Variants in RAB3GAP2 observed in about 807,000 individuals in gnomAD.
RAB3GAP2 encodes RAB3 GTPase activating non-catalytic protein subunit 2, also known as rab3 GTPase-activating protein non-catalytic subunit.
A neutral mutation model predicts 185.3 loss-of-function variants in RAB3GAP2; 87 were observed. The ratio of observed to expected loss-of-function variants is 0.47; its 90% CI spans 0.39 to 0.56. The LOEUF (loss-of-function observed/expected upper bound fraction) is 0.56. Ranked by LOEUF, RAB3GAP2 falls within the 20% of genes least tolerant of loss-of-function variation. The pLI, the probability that RAB3GAP2 is intolerant of heterozygous loss-of-function variation, is 0.00. For missense variants in RAB3GAP2, 1,492 were observed against 1,638.2 expected (o/e 0.91, Z 1.54); for synonymous variants, 554 against 576.1 (o/e 0.96, Z 0.55).
intron 31 of RAB3GAP2, chr1:220,154,404 C>G (rs538812863): frequency 1.6e-5 from 4 of 251,172 alleles, no homozygotes; most frequent in African/African-American, 4.6e-5. Flanking sequence ...CACTCATATT[C>G]ACTCTCACTT....
rs1553272667 is a variant in RAB3GAP2 at position 220,149,078 on chromosome 1, T to TATC, written c.*2170_*2172dup. The TATC allele has an allele frequency of 1.3e-5, 2 of 152,202 alleles. No homozygotes were observed. Among genetic ancestry groups the TATC allele is most frequent in the African/African-American group, 4.8e-5 (2 of 41,448 alleles). The allele number at this position is 152,202 out of a possible 1,614,324, so 9.4% of individuals were successfully genotyped here. ...ATTCTACATTAAAATCTAATTCCTT[T>TATC]ATCATCTATGGCTCTTTGTTATTAT... On this transcript the variant is annotated 3_prime_UTR_variant, in exon 35 of 35. Coordinates refer to ENST00000358951, the MANE Select transcript of RAB3GAP2 (RefSeq NM_012414.4).
At chr1:220,183,218 G>A (rs898472439) in intron 19 of RAB3GAP2, among the ~76,000 whole-genome samples, 1 of 151,746 alleles carries the variant, frequency 6.6e-6, no homozygotes, top group Non-Finnish European at 1.5e-5. Flanking sequence ...GATATTTCTT[G>A]AGGGTACTTT....
intron 1 of RAB3GAP2, chr1:220,254,244 C>G (rs890423274): frequency 3.7e-6 from 6 of 1,613,380 alleles, no homozygotes; most frequent in African/African-American, 1.3e-5. Flanking sequence ...AAGAATACTT[C>G]AACGTAATGT....
At chr1:220,206,908 A>G (rs1658978964) in intron 7 of RAB3GAP2, among the ~76,000 whole-genome samples, 1 of 152,102 alleles carries the variant, frequency 6.6e-6, no homozygotes, top group Non-Finnish European at 1.5e-5. Context: ...GCACATTACT[A>G]TCTTATCAAC....
intron 1 of RAB3GAP2, among the ~76,000 whole-genome samples, chr1:220,259,195 C>T (rs955459494): frequency 3.9e-5 from 6 of 152,114 alleles, no homozygotes; most frequent in African/African-American, 1.4e-4. Context: ...CATTAAACTA[C>T]CACTGACATT....
At chr1:220,157,554 A>G (rs1479121152) in intron 30 of RAB3GAP2, 66 bp from the exon 31 acceptor site, 8 of 1,516,166 alleles carry the variant, frequency 5.3e-6, no homozygotes, top group South Asian at 1.1e-5. Flanking sequence ...AAATATCCCA[A>G]TGAGTTTATT....
At chr1:220,174,259 T>C (rs899659493) in intron 21 of RAB3GAP2, among the ~76,000 whole-genome samples, 3 of 151,540 alleles carry the variant, frequency 2.0e-5, no homozygotes, top group African/African-American at 4.8e-5. Flanking sequence ...CACACATATA[T>C]ACACACACAC....
chr1:220,202,372 C>T lies in RAB3GAP2; in HGVS notation c.715G>A (p.Ala239Thr). The change falls in exon 9 of 35, where the codon GCA (alanine) becomes ACA (threonine). Residue 239 changes from alanine to threonine, a missense_variant and splice_region_variant. By Grantham distance (58) the Ala-to-Thr change is moderately conservative. Coordinates refer to ENST00000358951, the MANE Select transcript of RAB3GAP2 (RefSeq NM_012414.4). Reference sequence around the variant, plus strand: ...TGTATGTTCTCATTGCCTGATGCTGCAGCTACCAAAGATAAAATAAGACAA... The same window carrying T: ...TGTATGTTCTCATTGCCTGATGCTGTAGCTACCAAAGATAAAATAAGACAA... Reference protein sequence around the residue: ...RACRNQVAKAAASGNENIQPP... With the variant: ...RACRNQVAKATASGNENIQPP... 1.9e-6 allele frequency: 3 copies of T among 1,612,908 alleles called. No homozygotes were observed. The highest frequency in any genetic ancestry group is 1.3e-5 in the African/African-American group (1 of 74,920).
intron 8 of RAB3GAP2, 107 bp downstream of exon 8, chr1:220,205,800 G>T: frequency 1.2e-6 from 1 of 842,198 alleles, no homozygotes; most frequent in Non-Finnish European, 1.9e-6. Flanking sequence ...CATAAATCTA[G>T]TTCAGAAGGC....
rs1056938390 is a variant in RAB3GAP2 at position 220,157,813 on chromosome 1, T to C, written c.3325A>G (p.Ile1109Val). The C allele has an allele frequency of 6.2e-7, 1 of 1,611,044 alleles. No individual in the cohort carries two copies. The highest frequency in any genetic ancestry group is 8.5e-7 in the Non-Finnish European group (1 of 1,177,386). The change falls in exon 30 of 35, where the codon ATC becomes GTC. Residue 1109 changes from isoleucine (I) to valine (V), a missense_variant. Physicochemically the swap from Ile to Val is conservative, Grantham distance 29 (BLOSUM62 3). This residue lies in a region of RAB3GAP2 where 387 missense variants were observed against 455.3 expected (regional missense o/e 0.85). Transcript: ENST00000358951. ...TACACCTCTTTTACCTCCATTAAGA[T>C]CTGAAGAAGATCCAAACAGGAGCCG... The part of the protein sequence containing the change: ...FLGSCLDLLQ[I>V]LMEADVSRDE...
chr1:220,174,707 A>G (rs1286204841), intron 21 of RAB3GAP2, among the ~76,000 whole-genome samples: 3 of 152,250 alleles, frequency 2.0e-5, no homozygotes, highest in Non-Finnish European at 4.4e-5. Context: ...GTTAACAACA[A>G]TAAATGCTAA....
At chr1:220,163,740 C>CATATATATATATATATATATAT (rs1274317823) in intron 27 of RAB3GAP2, among the ~76,000 whole-genome samples, 1 of 90,160 alleles carries the variant, frequency 1.1e-5, no homozygotes, top group Non-Finnish European at 2.0e-5. Flanking sequence ...TATATAAATA[C>CATATATATATATATATATATAT]ATACATATAT....
At chr1:220,209,827 A>G (rs1659045470) in intron 7 of RAB3GAP2, among the ~76,000 whole-genome samples, 1 of 152,218 alleles carries the variant, frequency 6.6e-6, no homozygotes, top group African/African-American at 2.4e-5. Context: ...TGGCCCTACA[A>G]TTATTTTTTG....
chr1:220,238,369 A>T (rs997673126), intron 1 of RAB3GAP2, among the ~76,000 whole-genome samples: 1 of 152,186 alleles, frequency 6.6e-6, no homozygotes, highest in South Asian at 2.1e-4. Context: ...TCAAGTCTAG[A>T]ACATCAACTC....
intron 21 of RAB3GAP2, among the ~76,000 whole-genome samples, chr1:220,175,957 C>T (rs961455789): frequency 6.6e-6 from 1 of 152,014 alleles, no homozygotes; most frequent in Non-Finnish European, 1.5e-5. Context: ...GCCAAAGAAA[C>T]TATCAGAACA....
intron 3 of RAB3GAP2, among the ~76,000 whole-genome samples, 156 bp downstream of exon 3, chr1:220,213,700 A>AGAGG (rs1292063119): frequency 4.1e-5 from 4 of 96,738 alleles, no homozygotes; most frequent in South Asian, 4.5e-4. Context: ...AGGGAAATGG[A>AGAGG]GAGGGAGGGA....
intron 13 of RAB3GAP2, 152 bp downstream of exon 13, chr1:220,193,088 T>C (rs1174974853): frequency 2.3e-6 from 2 of 852,848 alleles, no homozygotes; most frequent in Non-Finnish European, 1.9e-6. Context: ...CTGGACCAAG[T>C]GGTTGCTGAT....
At chr1:220,241,603 A>G (rs1000930818) in intron 1 of RAB3GAP2, among the ~76,000 whole-genome samples, 1 of 152,070 alleles carries the variant, frequency 6.6e-6, no homozygotes, top group African/African-American at 2.4e-5. Flanking sequence ...AAAAGACAAA[A>G]GAAAAGTCTA....
chr1:220,225,362 G>A (rs1659385244), intron 2 of RAB3GAP2, among the ~76,000 whole-genome samples: 5 of 152,048 alleles, frequency 3.3e-5, no homozygotes, highest in Admixed American at 6.5e-5. Context: ...ACAAAATGGG[G>A]AAAAGGCAAA....
Sources: gnomAD v4.1 joint callset for allele counts (sites outside exome capture counted in the v4.1 genomes callset) on GRCh38, gnomAD v4.1.1 for gene constraint, gnomAD v4.1.1 regional missense constraint, MANE v1.5 for transcripts, NCBI Gene and HGNC (gene_info 2026-07-23, HGNC 2026-07-21) for gene names.